Variants in CGNL1 observed in about 807,000 individuals in gnomAD.
CGNL1 encodes cingulin-like protein 1.
A neutral mutation model predicts 141.2 loss-of-function variants in CGNL1; 132 were observed. The observed-to-expected ratio is 0.93, with a 90% confidence interval of 0.81 to 1.08. The LOEUF is 1.08. CGNL1 is among the 50% of genes least tolerant of loss of function. CGNL1 has a pLI of 0.00. For synonymous variants in CGNL1, 690 were observed against 622.1 expected (o/e 1.11, Z -1.63); for missense variants, 1,870 against 1,588.6 (o/e 1.18, Z -3.01).
chr15:57,530,991 G>A (rs1465544258), intron 13 of CGNL1, among the ~76,000 whole-genome samples: 1 of 152,196 alleles, frequency 6.6e-6, no homozygotes, highest in Non-Finnish European at 1.5e-5. Context: ...CGTGCTCAAG[G>A]CTGACAACCC....
intron 1 of CGNL1, among the ~76,000 whole-genome samples, chr15:57,378,373 T>TTTTTTG (rs2062389368): frequency 9.5e-6 from 1 of 105,078 alleles, no homozygotes; most frequent in Non-Finnish European, 2.0e-5. Context: ...GTTTTTTTTT[T>TTTTTTG]TTTTTTTTTT....
chr15:57,465,003 C>T (rs1398028903), intron 8 of CGNL1, among the ~76,000 whole-genome samples: 4 of 152,078 alleles, frequency 2.6e-5, no homozygotes, highest in South Asian at 2.1e-4. Flanking sequence ...CTGCCCACCT[C>T]GGCCTCCCAA....
At chr15:57,525,793 C>T (rs1440344728) in intron 12 of CGNL1, among the ~76,000 whole-genome samples, 1 of 151,994 alleles carries the variant, frequency 6.6e-6, no homozygotes, top group African/African-American at 2.4e-5. Context: ...TGAAAGGCCC[C>T]TGATAATGGA....
Position 57,453,733 on chromosome 15 carries a change from A to G in CGNL1, c.2105A>G (p.Asp702Gly). The change falls in exon 7 of 19, where the codon GAT (aspartate) becomes GGT (glycine). Residue 702 changes from aspartate (D) to glycine (G), a missense_variant. Physicochemically the swap from Asp to Gly is moderately conservative, Grantham distance 94. Transcript: ENST00000281282. Reference sequence around the variant, plus strand: ...GAGCAGCATCAGACTGAGATCAGGGATCTCCAGGACCAGCTCTCAGAAATG... The same window carrying G: ...GAGCAGCATCAGACTGAGATCAGGGGTCTCCAGGACCAGCTCTCAGAAATG... ...EREQHQTEIR[D>G]LQDQLSEMHD... The G allele has an allele frequency of 1.9e-6, 3 of 1,613,974 alleles. No homozygotes were observed. The South Asian group carries it at 3.3e-5, about 18-fold the overall frequency.
At position 57,538,009 on chromosome 15, in the gene CGNL1, C is replaced by T. The variant is rs536485695; in HGVS notation, c.3292-5687C>T. On this transcript the variant is annotated intron_variant, in intron 14 of 18. Coordinates refer to ENST00000281282, the MANE Select transcript of CGNL1 (RefSeq NM_032866.5). ...AAGCCATAGGTTTTTCCCTCCTCCC[C>T]GCCACCCCCCGCCCCAGGGCAGGTG... Among the ~76,000 whole-genome samples, 21 of 143,206 alleles carry T rather than the reference C, an allele frequency of 1.5e-4. 1 individual carries two copies. The highest frequency in any genetic ancestry group is 4.9e-4 in the Admixed American group (7 of 14,306). 93.9% of individuals were successfully genotyped at this position (143,206 alleles called of 152,430 possible).
At chr15:57,529,813 C>T (rs764896830) in intron 13 of CGNL1, among the ~76,000 whole-genome samples, 30 of 152,146 alleles carry the variant, frequency 2.0e-4, no homozygotes, top group Non-Finnish European at 3.5e-4. Context: ...AAATAATTTT[C>T]AAAACGTCCA....
chr15:57,421,599 A>C (rs1397208243), intron 1 of CGNL1, among the ~76,000 whole-genome samples: 1 of 152,094 alleles, frequency 6.6e-6, no homozygotes, highest in Non-Finnish European at 1.5e-5. Flanking sequence ...ATAATCACCT[A>C]ACTGAAGGAA....
intron 9 of CGNL1, among the ~76,000 whole-genome samples, chr15:57,518,013 A>G (rs1373024315): frequency 7.1e-6 from 1 of 140,284 alleles, no homozygotes; most frequent in Non-Finnish European, 1.6e-5. Flanking sequence ...AAAAAAAAAT[A>G]CCCCAGCTGG....
Position 57,439,410 on chromosome 15 carries a change from C to T in CGNL1, c.1411C>T (p.Leu471=), listed in dbSNP as rs969153447. 14 of 1,614,086 alleles carry T rather than the reference C, an allele frequency of 8.7e-6. No individual in the cohort carries two copies. Among genetic ancestry groups the T allele is most frequent in the Non-Finnish European group, 1.1e-5 (13 of 1,180,036 alleles). The change falls in exon 2 of 19, where the codon CTG becomes TTG. Residue 471 remains leucine, a synonymous_variant. Transcript: ENST00000281282. ...CCAGCCGAACATAGATGGGAAAGTT[C>T]TGGAAACCGAAGGTAGTCAGGAAAG... ...PPQPNIDGKV[L]ETEGSQESTV...
intron 8 of CGNL1, among the ~76,000 whole-genome samples, chr15:57,491,320 T>C (rs893764153): frequency 2.7e-4 from 41 of 152,214 alleles, no homozygotes; most frequent in African/African-American, 8.0e-4. Flanking sequence ...GGGAATATTC[T>C]AACACCCAGT....
chr15:57,438,306 C>G lies in CGNL1; in HGVS notation c.307C>G (p.Leu103Val). The G allele has an allele frequency of 6.2e-7, 1 of 1,614,162 alleles. No homozygotes were observed. Among genetic ancestry groups the G allele is most frequent in the South Asian group, 1.1e-5 (1 of 91,078 alleles). Residue 103 changes from leucine (L) to valine (V), a missense_variant, in exon 2 of 19, where the codon CTT (leucine) becomes GTT (valine). Leu to Val is a conservative substitution (Grantham distance 32, BLOSUM62 1). Coordinates refer to ENST00000281282, the MANE Select transcript of CGNL1 (RefSeq NM_032866.5). The part of the protein sequence containing the change: ...VPKENSEELQ[L>V]PENPYAQPSP... ...AAAGGAGAACAGTGAAGAACTTCAG[C>G]TTCCAGAAAACCCATACGCCCAGCC...
intron 8 of CGNL1, among the ~76,000 whole-genome samples, chr15:57,469,400 A>G (rs536744124): frequency 6.7e-6 from 1 of 150,368 alleles, no homozygotes; most frequent in African/African-American, 2.4e-5. Flanking sequence ...TGAGCGAGTG[A>G]CAGAGAGAGA....
chr15:57,433,294 T>C (rs1467611861), intron 1 of CGNL1, among the ~76,000 whole-genome samples: 1 of 152,240 alleles, frequency 6.6e-6, no homozygotes. Flanking sequence ...TTGTCCTTAG[T>C]ATTGAGTTGT....
At chr15:57,445,294 A>T (rs1333000237) in intron 4 of CGNL1, among the ~76,000 whole-genome samples, 1 of 152,144 alleles carries the variant, frequency 6.6e-6, no homozygotes, top group East Asian at 1.9e-4. Context: ...CCAAATCAAG[A>T]GATGATGAGA....
At chr15:57,462,978 G>A (rs1410456902) in intron 8 of CGNL1, among the ~76,000 whole-genome samples, 1 of 151,962 alleles carries the variant, frequency 6.6e-6, no homozygotes, top group Non-Finnish European at 1.5e-5. Flanking sequence ...TTTCATTTCT[G>A]TGCACCAGCC....
rs1288348728 is a variant in CGNL1 at position 57,440,308 on chromosome 15, A to G, written c.1603-69A>G. ...CTCTAAGAAGGATGCTCACTGGAGGAATTGTTTGGTGTTTGGAAGCCTCTG... is the reference window on the plus strand; with the variant it reads ...CTCTAAGAAGGATGCTCACTGGAGGGATTGTTTGGTGTTTGGAAGCCTCTG... On this transcript the variant is annotated intron_variant, in intron 2 of 18. Coordinates refer to ENST00000281282, the MANE Select transcript of CGNL1 (RefSeq NM_032866.5). 7 of 1,098,858 alleles carry G rather than the reference A, an allele frequency of 6.4e-6. No homozygotes were observed. In the African/African-American group the frequency reaches 1.1e-4, roughly 17 times the overall value. 68.1% of individuals were successfully genotyped at this position (1,098,858 alleles called of 1,614,324 possible).
chr15:57,524,495 G>A (rs2031480588), intron 11 of CGNL1, 86 bp from the exon 12 acceptor site: 4 of 1,216,692 alleles, frequency 3.3e-6, no homozygotes, highest in East Asian at 2.4e-5. Context: ...AGGGAGAAGA[G>A]GAGATGTGCT....
At chr15:57,513,335 C>A (rs528073207) in intron 8 of CGNL1, among the ~76,000 whole-genome samples, 1 of 149,020 alleles carries the variant, frequency 6.7e-6, no homozygotes, top group South Asian at 2.1e-4. Context: ...GTTCAAAGTT[C>A]ATCCATGTTG....
At chr15:57,455,440 T>C (rs1040145303) in intron 7 of CGNL1, among the ~76,000 whole-genome samples, 1 of 152,224 alleles carries the variant, frequency 6.6e-6, no homozygotes, top group Non-Finnish European at 1.5e-5. Flanking sequence ...CTGAAGTTGC[T>C]GATTTTCCGC....
Sources: gnomAD v4.1 joint callset for allele counts (sites outside exome capture counted in the v4.1 genomes callset) on GRCh38, gnomAD v4.1.1 for gene constraint, MANE v1.5 for transcripts, NCBI Gene and HGNC (gene_info 2026-07-23, HGNC 2026-07-21) for gene names.